RAD51B: variants seen among roughly 807,000 people sequenced by gnomAD.
RAD51B encodes DNA repair protein RAD51 homolog 2.
In RAD51B, 38 loss-of-function variants were observed where a neutral mutation model predicts 42.2. The ratio of observed to expected loss-of-function variants is 0.90; its 90% CI spans 0.70 to 1.18. The LOEUF is 1.18. Ranked by LOEUF, RAD51B falls within the 50% of genes most tolerant of loss-of-function variation. The probability of loss-of-function intolerance (pLI) is 0.00; values close to 1 mark genes in which losing one functional copy is unlikely to be tolerated. For missense variants in RAD51B, 373 were observed against 400.7 expected (o/e 0.93, Z 0.59); for synonymous variants, 154 against 145.2 (o/e 1.06, Z -0.43).
chr14:68,220,286 G>T (rs2140961555), intron 7 of RAD51B, among the ~76,000 whole-genome samples: 1 of 152,304 alleles, frequency 6.6e-6, no homozygotes, highest in East Asian at 1.9e-4. Flanking sequence ...GATTAAGTGG[G>T]TTTCAGATGC....
At chr14:68,587,752 C>T (rs927840799) in intron 10 of RAD51B, among the ~76,000 whole-genome samples, 1 of 152,166 alleles carries the variant, frequency 6.6e-6, no homozygotes, top group Non-Finnish European at 1.5e-5. Flanking sequence ...GGGTTTTTAA[C>T]ACTCAGCCAA....
At chr14:68,383,996 C>G (rs2083537729) in intron 8 of RAD51B, among the ~76,000 whole-genome samples, 1 of 152,220 alleles carries the variant, frequency 6.6e-6, no homozygotes, top group Non-Finnish European at 1.5e-5. Context: ...GGTAGGGAAG[C>G]TTGGGAGTGT....
intron 4 of RAD51B, among the ~76,000 whole-genome samples, chr14:67,847,326 C>CTTT (rs60032578): frequency 1.6e-3 from 164 of 105,596 alleles, no homozygotes; most frequent in Middle Eastern, 4.6e-3. Context: ...TTGGTTTGTT[C>CTTT]TTTTTTTTTT....
At chr14:68,169,152 T>G (rs887418863) in intron 7 of RAD51B, among the ~76,000 whole-genome samples, 1 of 152,226 alleles carries the variant, frequency 6.6e-6, no homozygotes, top group African/African-American at 2.4e-5. Flanking sequence ...AATTTTGGTC[T>G]CTTTTTCTTT....
rs182740724 is a variant in RAD51B, at chr14:67,909,692, G to A, written c.756+22488G>A. Among the ~76,000 whole-genome samples the A allele has an allele frequency of 2.0e-5, 3 of 152,150 alleles. No homozygotes were observed. The East Asian group carries it at 5.8e-4, about 29-fold the overall frequency. ...TACTTTTTTGTTGTTGTTTTGTTTTGGATTTTTTGAGAGAGGGTCTCTGTT... is the reference window on the plus strand; with the variant it reads ...TACTTTTTTGTTGTTGTTTTGTTTTAGATTTTTTGAGAGAGGGTCTCTGTT... On this transcript the variant is annotated intron_variant, in intron 7 of 10. Coordinates refer to ENST00000471583, the MANE Select transcript of RAD51B (RefSeq NM_133510.4).
At chr14:68,259,905 G>C (rs982924854) in intron 7 of RAD51B, among the ~76,000 whole-genome samples, 3 of 152,148 alleles carry the variant, frequency 2.0e-5, no homozygotes, top group African/African-American at 7.2e-5. Flanking sequence ...TCCGGGCCAG[G>C]CATGTGTTGG....
chr14:68,594,178 C>CA, intron 10 of RAD51B, among the ~76,000 whole-genome samples: 1 of 150,512 alleles, frequency 6.6e-6, no homozygotes, highest in Non-Finnish European at 1.5e-5. Context: ...TTTTCATATG[C>CA]ATTTGAGACC....
chr14:67,951,044 C>T (rs1284852495), intron 7 of RAD51B, among the ~76,000 whole-genome samples: 1 of 151,976 alleles, frequency 6.6e-6, no homozygotes, highest in African/African-American at 2.4e-5. Context: ...CACAGATCAT[C>T]ATAACAGGTA....
chr14:68,371,981 G>C (rs1372887992), intron 8 of RAD51B, among the ~76,000 whole-genome samples: 1 of 152,262 alleles, frequency 6.6e-6, no homozygotes, highest in African/African-American at 2.4e-5. Flanking sequence ...GATTGATCCT[G>C]GGGATACATC....
intron 10 of RAD51B, chr14:68,541,561 G>A: frequency 1.0e-6 from 1 of 985,442 alleles, no homozygotes; most frequent in Non-Finnish European, 1.2e-6. Context: ...GAGTCTAGAT[G>A]GCATGCGGTA....
chr14:68,579,165 C>T lies in RAD51B; in HGVS notation c.1037-15320C>T, dbSNP rs560362659. On this transcript the variant is annotated intron_variant, in intron 10 of 10. Coordinates refer to the RAD51B transcript ENST00000487270. ...CTCACCTTGAAAATTCAAGAGTCTA[C>T]AGTCAAGTCACTTCTGCTTCTAGGG... Among the ~76,000 whole-genome samples, 11 of 152,312 alleles carry T rather than the reference C, an allele frequency of 7.2e-5. No individual in the cohort carries two copies. The East Asian group carries it at 1.4e-3, about 19-fold the overall frequency.
At chr14:68,276,769 T>G (rs1410449408) in intron 7 of RAD51B, among the ~76,000 whole-genome samples, 1 of 152,182 alleles carries the variant, frequency 6.6e-6, no homozygotes, top group East Asian at 1.9e-4. Context: ...TACACAGCTC[T>G]GTAGCAAAAG....
intron 8 of RAD51B, among the ~76,000 whole-genome samples, chr14:68,402,663 C>T (rs1566860980): frequency 1.3e-5 from 2 of 152,178 alleles, no homozygotes; most frequent in Non-Finnish European, 2.9e-5. Context: ...GTGCTCTTTT[C>T]AAGCACAAAC....
At chr14:67,995,261 C>T (rs2075361038) in intron 7 of RAD51B, among the ~76,000 whole-genome samples, 1 of 152,082 alleles carries the variant, frequency 6.6e-6, no homozygotes, top group South Asian at 2.1e-4. Flanking sequence ...TTGGCACGCA[C>T]CTGTAGTCCC....
In RAD51B at chr14:68,316,045, A is replaced by G. The variant is rs547504875; in HGVS notation, c.853+24065A>G. On this transcript the variant is annotated intron_variant, in intron 8 of 10. Coordinates refer to ENST00000471583, the MANE Select transcript of RAD51B (RefSeq NM_133510.4). The stretch of plus-strand genomic sequence containing the variant: ...AGTTTATATAACCTATTGTTCATTT[A>G]CTTGATAGCTCATTGAGACAGTTTA... Among the ~76,000 whole-genome samples the G allele has an allele frequency of 5.9e-5, 9 of 152,312 alleles. No homozygotes were observed. In the East Asian group the frequency reaches 1.7e-3, roughly 29 times the overall value.
chr14:68,252,949 G>A lies in RAD51B; in HGVS notation c.757-38935G>A, dbSNP rs150919515. On this transcript the variant is annotated intron_variant, in intron 7 of 10. Coordinates refer to ENST00000471583, the MANE Select transcript of RAD51B (RefSeq NM_133510.4). ...TACAAAAAAATTAGCCAGGCATGGT[G>A]GTGTGTGCCTGTAATCTCAGCTGCT... Among the ~76,000 whole-genome samples, 807 of 152,168 alleles carry A rather than the reference G, an allele frequency of 5.3e-3. 8 individuals carry two copies. Among genetic ancestry groups the A allele is most frequent in the Non-Finnish European group, 6.1e-3 (416 of 67,998 alleles).
intron 9 of RAD51B, among the ~76,000 whole-genome samples, chr14:68,453,500 G>C (rs2085509759): frequency 6.6e-6 from 1 of 152,180 alleles, no homozygotes; most frequent in South Asian, 2.1e-4. Context: ...ATATGAAGTA[G>C]CTGAACCCCC....
intron 3 of RAD51B, among the ~76,000 whole-genome samples, chr14:67,828,612 A>G (rs2040915673): frequency 6.6e-6 from 1 of 151,326 alleles, no homozygotes; most frequent in South Asian, 2.1e-4. Context: ...TTTTTTTCCT[A>G]TAGTTTTGGA....
At chr14:68,645,164 C>T (rs780722704) in intron 10 of RAD51B, among the ~76,000 whole-genome samples, 3 of 152,208 alleles carry the variant, frequency 2.0e-5, no homozygotes, top group Non-Finnish European at 4.4e-5. Flanking sequence ...TCTCACCTCT[C>T]CCAAGCCCCT....
Sources: gnomAD v4.1 joint callset for allele counts (sites outside exome capture counted in the v4.1 genomes callset) on GRCh38, gnomAD v4.1.1 for gene constraint, MANE v1.5 for transcripts, NCBI Gene and HGNC (gene_info 2026-07-23, HGNC 2026-07-21) for gene names.